Variants in NBAS observed in about 807,000 individuals in gnomAD.
The protein encoded by NBAS is NBAS subunit of NRZ tethering complex, also known as NAG/BC035112 fusion.
In NBAS, 219 loss-of-function variants were observed where a neutral mutation model predicts 302.5. That is an observed-to-expected ratio of 0.72 (90% CI 0.65 to 0.81). The LOEUF is 0.81. Among genes scored for constraint, NBAS ranks in the 30% least tolerant of loss-of-function variants. The probability of loss-of-function intolerance (pLI) is 0.00; values close to 1 mark genes in which losing one functional copy is unlikely to be tolerated. For synonymous variants in NBAS, 1,118 were observed against 1,021.6 expected, an observed-to-expected ratio of 1.09 and a Z score of -1.80; for missense variants, 2,932 against 2,841.6, an observed-to-expected ratio of 1.03 and a Z score of -0.72.
chr2:15,008,265 G>A, the NBAS span, among the ~76,000 whole-genome samples: 42 of 152,304 alleles, frequency 2.8e-4, no homozygotes, highest in South Asian at 5.6e-3. Context: ...CAGAGACCCC[G>A]CTAAGTTCTG....
the NBAS span, among the ~76,000 whole-genome samples, chr2:14,813,393 A>G: frequency 6.6e-6 from 1 of 152,196 alleles, no homozygotes; most frequent in African/African-American, 2.4e-5. Context: ...AGAGGGTCTC[A>G]GATGGAGATG....
At chr2:15,000,025 C>T in the NBAS span, among the ~76,000 whole-genome samples, 7 of 152,124 alleles carry the variant, frequency 4.6e-5, no homozygotes, top group East Asian at 1.3e-3. Context: ...GCCAATAAGG[C>T]CAAGTTCATA....
the NBAS span, among the ~76,000 whole-genome samples, chr2:14,935,156 C>T: frequency 3.3e-5 from 5 of 152,084 alleles, no homozygotes; most frequent in East Asian, 5.8e-4. Context: ...CTCTAGAATT[C>T]CACTAGGATG....
Position 15,510,050 on chromosome 2 carries a change from A to G in NBAS, c.885+1162T>C, listed in dbSNP as rs536818059. Among the ~76,000 whole-genome samples, 420 of 152,256 alleles carry G rather than the reference A, an allele frequency of 2.8e-3. 15 individuals carry two copies. Among genetic ancestry groups the G allele is most frequent in the Non-Finnish European group, 1.5e-4 (10 of 68,016 alleles). ...TTTTTAGTAGAGACGGGGTTTCACC[A>G]TGTTGCTCAGGCTGGTCTTGAACTC... On this transcript the variant is annotated intron_variant, in intron 10 of 51. Transcript: ENST00000281513.
At chr2:15,285,992 T>C (rs1670024690) in intron 42 of NBAS, among the ~76,000 whole-genome samples, 1 of 152,116 alleles carries the variant, frequency 6.6e-6, no homozygotes, top group Non-Finnish European at 1.5e-5. Context: ...TCCCCCAAAA[T>C]ACCTTACTTC....
intron 12 of NBAS, among the ~76,000 whole-genome samples, chr2:15,487,730 G>A (rs1680691762): frequency 6.6e-6 from 1 of 152,184 alleles, no homozygotes; most frequent in African/African-American, 2.4e-5. Flanking sequence ...CTAGAAAGAA[G>A]AAATGAGTGA....
chr2:15,370,071 A>C (rs530021726), intron 31 of NBAS, among the ~76,000 whole-genome samples: 1 of 152,350 alleles, frequency 6.6e-6, no homozygotes, highest in Admixed American at 6.5e-5. Flanking sequence ...TAGGAGGACA[A>C]GTAAGAGTTT....
the NBAS span, among the ~76,000 whole-genome samples, chr2:14,832,016 G>A: frequency 1.4e-4 from 21 of 152,276 alleles, no homozygotes; most frequent in Admixed American, 1.0e-3. Context: ...AGGAAATCAG[G>A]AAGTGCTAGT....
chr2:15,512,555 G>A (rs919633376), intron 9 of NBAS, among the ~76,000 whole-genome samples: 2 of 152,122 alleles, frequency 1.3e-5, no homozygotes, highest in East Asian at 1.9e-4. Context: ...AGAGTATCCT[G>A]AATTATTCAG....
the NBAS span, among the ~76,000 whole-genome samples, chr2:15,138,020 TC>T: frequency 6.6e-6 from 1 of 151,922 alleles, no homozygotes; most frequent in African/African-American, 2.4e-5. Flanking sequence ...CCAACAGCAC[TC>T]CCCATTTTCC....
At chr2:14,879,776 C>T in the NBAS span, among the ~76,000 whole-genome samples, 1 of 152,312 alleles carries the variant, frequency 6.6e-6, no homozygotes. Context: ...ACAAAGACCA[C>T]TTTGGGGCTT....
chr2:15,056,232 C>T, the NBAS span, among the ~76,000 whole-genome samples: 2 of 152,062 alleles, frequency 1.3e-5, no homozygotes, highest in African/African-American at 4.8e-5. Flanking sequence ...TTGGCAAAAC[C>T]TGAATGGGAT....
chr2:15,359,486 A>G (rs1361671530), intron 32 of NBAS, among the ~76,000 whole-genome samples: 1 of 152,208 alleles, frequency 6.6e-6, no homozygotes, highest in African/African-American at 2.4e-5. Context: ...GTAAGTTTCT[A>G]GAGTCTAAAA....
At chr2:14,956,723 C>T in the NBAS span, among the ~76,000 whole-genome samples, 1 of 152,124 alleles carries the variant, frequency 6.6e-6, no homozygotes, top group South Asian at 2.1e-4. Flanking sequence ...CGAACTCACT[C>T]ACTATCATGA....
chr2:15,104,662 C>T, the NBAS span, among the ~76,000 whole-genome samples: 10 of 152,132 alleles, frequency 6.6e-5, no homozygotes, highest in African/African-American at 1.4e-4. Context: ...TTTACACTCC[C>T]GCCAACAGTG....
chr2:14,884,163 T>C, the NBAS span, among the ~76,000 whole-genome samples: 1 of 152,086 alleles, frequency 6.6e-6, no homozygotes, highest in African/African-American at 2.4e-5. Flanking sequence ...CTTCTCATGA[T>C]GGCAAGCTTC....
chr2:15,472,263 G>A (rs1438383539), intron 16 of NBAS, among the ~76,000 whole-genome samples: 2 of 151,950 alleles, frequency 1.3e-5, no homozygotes, highest in African/African-American at 4.8e-5. Flanking sequence ...CTATGGCTTG[G>A]CCACCAACAA....
intron 26 of NBAS, chr2:15,397,507 G>C: frequency 1.7e-6 from 1 of 586,550 alleles, no homozygotes; most frequent in Non-Finnish European, 3.1e-6. Context: ...TTCGGTCCTT[G>C]CAGGCTTCAT....
chr2:15,404,460 C>T (rs966327525), intron 25 of NBAS, among the ~76,000 whole-genome samples: 6 of 152,012 alleles, frequency 3.9e-5, no homozygotes, highest in Admixed American at 3.9e-4. Flanking sequence ...CTTGTTCTCC[C>T]CACTTCCTAT....
Sources: gnomAD v4.1 joint callset for allele counts (sites outside exome capture counted in the v4.1 genomes callset) on GRCh38, gnomAD v4.1.1 for gene constraint, MANE v1.5 for transcripts, NCBI Gene and HGNC (gene_info 2026-07-23, HGNC 2026-07-21) for gene names.